GBP6: variants seen among roughly 807,000 people sequenced by gnomAD.
GBP6 encodes guanylate binding protein family member 6.
GBP6 carries 54 observed loss-of-function variants against 61.5 expected under a neutral mutation model. That is an observed-to-expected ratio of 0.88 (90% CI 0.71 to 1.10). The LOEUF (loss-of-function observed/expected upper bound fraction) is 1.10, where lower values mean the gene tolerates loss of function less well. Among genes scored for constraint, GBP6 ranks in the 50% least tolerant of loss-of-function variants. The pLI is 0.00. For synonymous variants in GBP6, 255 were observed against 273.7 expected, an observed-to-expected ratio of 0.93 and a Z score of 0.67; for missense variants, 748 against 752.8, an observed-to-expected ratio of 0.99 and a Z score of 0.07.
chr1:89,378,676 C>A, intron 5 of GBP6, 63 bp downstream of exon 5: 1 of 1,265,246 alleles, frequency 7.9e-7, no homozygotes, highest in South Asian at 1.4e-5. Context: ...AAACACTGCC[C>A]ATCATCTCTG....
chr1:89,372,096 C>A (rs571901995), intron 3 of GBP6, among the ~76,000 whole-genome samples: 74 of 152,222 alleles, frequency 4.9e-4, no homozygotes, highest in Non-Finnish European at 9.1e-4. Flanking sequence ...ACCTAGGAAT[C>A]CAACTTACAA....
chr1:89,381,754 T>C lies in GBP6; in HGVS notation c.932T>C (p.Leu311Pro), dbSNP rs375934542. Residue 311 changes from leucine (L) to proline (P), a missense_variant, in exon 7 of 11, where the codon CTG (leucine) becomes CCG (proline). Coordinates refer to ENST00000370456, the MANE Select transcript of GBP6 (RefSeq NM_198460.3). ...EAINSGAVPC[L>P]ENAVITLAQR... Reference sequence around the variant, plus strand: ...ATCAACAGTGGAGCAGTGCCTTGTCTGGAGAATGCAGTGATAACTCTGGCC... The same window carrying C: ...ATCAACAGTGGAGCAGTGCCTTGTCCGGAGAATGCAGTGATAACTCTGGCC... 8 of 1,614,030 alleles carry C rather than the reference T, an allele frequency of 5.0e-6. No individual in the cohort carries two copies. The East Asian group carries it at 1.3e-4, about 27-fold the overall frequency.
intron 2 of GBP6, 133 bp from the exon 3 acceptor site, chr1:89,369,413 A>G (rs527639293): frequency 1.3e-5 from 14 of 1,085,958 alleles, no homozygotes; most frequent in Admixed American, 5.3e-5. Flanking sequence ...AAAGTAAGCC[A>G]TTCTTGAGGA....
Position 89,385,487 on chromosome 1 carries a change from C to T in GBP6, c.*18C>T. 6.2e-7 allele frequency: 1 copy of T among 1,601,144 alleles called. No homozygotes were observed. Among genetic ancestry groups the T allele is most frequent in the Non-Finnish European group, 8.5e-7 (1 of 1,173,478 alleles). ...CCTTTTAAGGATATTATAGATTGTA[C>T]ATATATGCTTTGGACTATTTTTGAT... On this transcript the variant is annotated 3_prime_UTR_variant, in exon 11 of 11. Coordinates refer to ENST00000370456, the MANE Select transcript of GBP6 (RefSeq NM_198460.3).
At position 89,383,517 on chromosome 1, in the gene GBP6, C is replaced by T. The variant is rs570017084; in HGVS notation, c.1366-135C>T. On this transcript the variant is annotated intron_variant, in intron 8 of 10. Coordinates refer to ENST00000370456, the MANE Select transcript of GBP6 (RefSeq NM_198460.3). ...GGGGCTCTGGTCACCCTAAAGAGCC[C>T]GCACACTTTGTAGGGGGCCACTTTA... The T allele has an allele frequency of 9.4e-4, 605 of 641,458 alleles. 3 individuals carry two copies. The highest frequency in any genetic ancestry group is 1.3e-3 in the African/African-American group (68 of 53,870). 39.7% of individuals were successfully genotyped at this position (641,458 alleles called of 1,614,324 possible).
At chr1:89,371,382 A>G (rs1652636199) in intron 3 of GBP6, among the ~76,000 whole-genome samples, 1 of 152,224 alleles carries the variant, frequency 6.6e-6, no homozygotes, top group Non-Finnish European at 1.5e-5. Flanking sequence ...TTGGACCAAT[A>G]TCCCTGATGA....
chr1:89,375,975 C>T (rs576311666), intron 3 of GBP6, among the ~76,000 whole-genome samples: 9 of 152,208 alleles, frequency 5.9e-5, no homozygotes, highest in African/African-American at 1.9e-4. Flanking sequence ...ACTAGCCCCT[C>T]GTAACCATCA....
At chr1:89,378,322 G>A (rs1444039438) in intron 4 of GBP6, 95 bp from the exon 5 acceptor site, 3 of 1,523,012 alleles carry the variant, frequency 2.0e-6, no homozygotes, top group Non-Finnish European at 2.7e-6. Context: ...GTGCAGCACA[G>A]GGAACCCAAG....
intron 3 of GBP6, among the ~76,000 whole-genome samples, chr1:89,372,559 AG>A (rs1463089619): frequency 2.0e-5 from 3 of 151,690 alleles, no homozygotes; most frequent in Admixed American, 2.0e-4. Context: ...AACAAGAAAT[AG>A]GGAAAGGATT....
rs1434468164 is a variant in GBP6 at position 89,385,876 on chromosome 1, A to T, written c.*407A>T. On this transcript the variant is annotated 3_prime_UTR_variant, in exon 11 of 11. Coordinates refer to ENST00000370456, the MANE Select transcript of GBP6 (RefSeq NM_198460.3). ...AAACATAAAAAGTGCTTATTAGAGG[A>T]TATCAGTGCCTGGCCCACATGAGAG... 6.3e-6 allele frequency: 1 copy of T among 159,574 alleles called. No homozygotes were observed. Among genetic ancestry groups the T allele is most frequent in the African/African-American group, 2.4e-5 (1 of 41,510 alleles). The allele number at this position is 159,574 out of a possible 1,614,324, so 9.9% of individuals were successfully genotyped here.
Position 89,383,710 on chromosome 1 carries a change from T to G in GBP6, c.1424T>G (p.Leu475Trp). 6.2e-7 allele frequency: 1 copy of G among 1,613,082 alleles called. No homozygotes were observed. The highest frequency in any genetic ancestry group is 8.5e-7 in the Non-Finnish European group (1 of 1,179,798). Residue 475 changes from leucine (L) to tryptophan (W), a missense_variant, in exon 9 of 11, where the codon TTG (leucine) becomes TGG (tryptophan). Physicochemically the swap from Leu to Trp is moderately conservative, Grantham distance 61. Transcript: ENST00000370456. ...CAGATGGTGATAGAGGAATCCATCT[T>G]GCAGTCAGATAAAGCCCTCACTGAT... ...ESQMVIEESILQSDKALTDRE... is the reference protein window; with the variant it reads ...ESQMVIEESIWQSDKALTDRE...
At chr1:89,377,508 T>C (rs1046909450) in intron 3 of GBP6, among the ~76,000 whole-genome samples, 2 of 152,236 alleles carry the variant, frequency 1.3e-5, no homozygotes, top group Admixed American at 1.3e-4. Context: ...TAATTTAACA[T>C]TATAGCTATG....
intron 9 of GBP6, 117 bp downstream of exon 9, chr1:89,383,871 C>G (rs1653057923): frequency 5.6e-6 from 5 of 891,914 alleles, no homozygotes; most frequent in Non-Finnish European, 8.7e-6. Flanking sequence ...AACACACACT[C>G]TGCTAAATCT....
At chr1:89,369,780 A>G in intron 3 of GBP6, 107 bp downstream of exon 3, 1 of 1,371,104 alleles carries the variant, frequency 7.3e-7, no homozygotes, top group Non-Finnish European at 9.8e-7. Context: ...ATAGCAAATA[A>G]GGCAAACTTT....
At chr1:89,379,105 AC>A (rs1171613721) in intron 5 of GBP6, among the ~76,000 whole-genome samples, 8 of 152,182 alleles carry the variant, frequency 5.3e-5, no homozygotes, top group African/African-American at 1.9e-4. Context: ...TGCAGGCTGT[AC>A]AAGCATGGCA....
Position 89,368,751 on chromosome 1 carries a change from A to G in GBP6, c.190+10A>G, listed in dbSNP as rs1652534942. ...GCAGGACAGAATCATGGTAAGTGGTATCCTGGGACACAGGCCAGTTGCTTG... is the reference window on the plus strand; with the variant it reads ...GCAGGACAGAATCATGGTAAGTGGTGTCCTGGGACACAGGCCAGTTGCTTG... On this transcript the variant is annotated intron_variant, in intron 2 of 10. Transcript: ENST00000370456. 3.7e-6 allele frequency: 6 copies of G among 1,606,592 alleles called. No individual in the cohort carries two copies. Among genetic ancestry groups the G allele is most frequent in the Admixed American group, 1.7e-5 (1 of 59,604 alleles).
chr1:89,380,089 G>T (rs1414554673), intron 5 of GBP6, among the ~76,000 whole-genome samples: 1 of 152,154 alleles, frequency 6.6e-6, no homozygotes, highest in African/African-American at 2.4e-5. Context: ...AGTAAGCCGT[G>T]ATTGTGCCAC....
intron 3 of GBP6, among the ~76,000 whole-genome samples, chr1:89,370,315 A>C (rs552930623): frequency 7.2e-5 from 11 of 152,332 alleles, no homozygotes; most frequent in Admixed American, 6.5e-4. Context: ...GGAGATGAGG[A>C]GAGGCCTCTC....
chr1:89,381,838 C>T lies in GBP6; in HGVS notation c.1016C>T (p.Ala339Val). The T allele has an allele frequency of 3.1e-6, 5 of 1,614,044 alleles. No individual in the cohort carries two copies. Among genetic ancestry groups the T allele is most frequent in the Non-Finnish European group, 4.2e-6 (5 of 1,179,966 alleles). ...GCTGACTACTACAGCCAGCAGATGG[C>T]CCAGCGAGTGAAGCTCCCCACAGAC... ...RAADYYSQQM[A>V]QRVKLPTDTL... The change falls in exon 7 of 11, where the codon GCC becomes GTC. Residue 339 changes from alanine (A) to valine (V), a missense_variant. Ala to Val is a moderately conservative substitution (Grantham distance 64). Transcript: ENST00000370456.
Sources: allele counts gnomAD v4.1 joint callset (sites outside exome capture counted in the v4.1 genomes callset), GRCh38; gene constraint gnomAD v4.1.1; transcripts MANE v1.5; gene names NCBI Gene and HGNC (gene_info 2026-07-23, HGNC 2026-07-21).